Variants in ODC1 observed in about 807,000 individuals in gnomAD.
ODC1 encodes the protein ornithine decarboxylase.
Under a neutral mutation model 41.5 loss-of-function variants are expected in ODC1, and 18 were observed. That is an observed-to-expected ratio of 0.43 (90% CI 0.30 to 0.64). The LOEUF (loss-of-function observed/expected upper bound fraction) is 0.64. Ranked by LOEUF, ODC1 falls within the 30% of genes least tolerant of loss-of-function variation. The pLI is 0.11. For synonymous variants in ODC1, 218 were observed against 211.6 expected (o/e 1.03, Z -0.26); for missense variants, 504 against 589.0 (o/e 0.86, Z 1.49).
In ODC1 at chr2:10,440,422, C is replaced by CA. The variant is rs1259607119; in HGVS notation, c.*301dup. ...GATACTTTATTTTAAAAACAGGTCA[C>CA]AACACTAAGCTTTTGGCCCATTCTG... On this transcript the variant is annotated 3_prime_UTR_variant, in exon 12 of 12. Coordinates refer to ENST00000234111, the MANE Select transcript of ODC1 (RefSeq NM_002539.3). 1 of 244,658 alleles carries CA rather than the reference C, an allele frequency of 4.1e-6. No individual in the cohort carries two copies. The highest frequency in any genetic ancestry group is 2.3e-5 in the African/African-American group (1 of 44,214). The allele number at this position is 244,658 out of a possible 1,614,324, so 15.2% of individuals were successfully genotyped here. A position where few individuals can be genotyped will look rare whatever the true frequency, so the allele number is the denominator to read the frequency against.
chr2:10,447,366 G>A (rs1335828098), intron 1 of ODC1: 1 of 152,204 alleles, frequency 6.6e-6, no homozygotes, highest in African/African-American at 2.4e-5. Flanking sequence ...AACAAAGTCA[G>A]CCAACACATT....
In ODC1 at chr2:10,440,045, C is replaced by A. The variant is rs28362420; in HGVS notation, c.*679G>T. On this transcript the variant is annotated 3_prime_UTR_variant, in exon 12 of 12. Transcript: ENST00000234111. Reference sequence around the variant, plus strand: ...TACCGTATACATTCCTAACTTCTCACAGGCATGAAGGTGGGAGGGGACACG... The same window carrying A: ...TACCGTATACATTCCTAACTTCTCAAAGGCATGAAGGTGGGAGGGGACACG... 3 of 152,330 alleles carry A rather than the reference C, an allele frequency of 2.0e-5. No individual in the cohort carries two copies. Among genetic ancestry groups the A allele is most frequent in the Non-Finnish European group, 2.9e-5 (2 of 68,122 alleles). The allele number at this position is 152,330 out of a possible 1,614,324, so 9.4% of individuals were successfully genotyped here. A position where few individuals can be genotyped will look rare whatever the true frequency, so the allele number is the denominator to read the frequency against.
chr2:10,442,559 T>C (rs1188743095), intron 8 of ODC1, among the ~76,000 whole-genome samples: 1 of 152,214 alleles, frequency 6.6e-6, no homozygotes, highest in Admixed American at 6.5e-5. Context: ...GGATATATTT[T>C]ATAAATTCAA....
chr2:10,444,536 C>T lies in ODC1; in HGVS notation c.214G>A (p.Asp72Asn). The change falls in exon 4 of 12, where the codon GAT becomes AAT. Residue 72 changes from aspartate to asparagine, a missense_variant. By Grantham distance (23) the Asp-to-Asn change is conservative (BLOSUM62 1). Coordinates refer to ENST00000234111, the MANE Select transcript of ODC1 (RefSeq NM_002539.3). ...VTPFYAVKCN[D>N]SKAIVKTLAA... ...AGGGTCTTCACGATGGCTTTGCTAT[C>T]ATTACATTTGACTGCATAAAAGGGG... 6 of 1,614,058 alleles carry T rather than the reference C, an allele frequency of 3.7e-6. No homozygotes were observed. The highest frequency in any genetic ancestry group is 5.1e-6 in the Non-Finnish European group (6 of 1,180,002).
At chr2:10,442,997 C>T (rs1298556535) in intron 8 of ODC1, among the ~76,000 whole-genome samples, 18 of 152,150 alleles carry the variant, frequency 1.2e-4, no homozygotes, top group Non-Finnish European at 2.9e-5. Context: ...CAGGTGTGAG[C>T]CATGATTTCC....
chr2:10,446,638 C>A, intron 1 of ODC1: 1 of 281,596 alleles, frequency 3.6e-6, no homozygotes, highest in Non-Finnish European at 6.9e-6. Context: ...AAATGTGGCA[C>A]CTTGTGAACC....
intron 1 of ODC1, chr2:10,447,613 C>T (rs1672070311): frequency 6.6e-6 from 1 of 152,288 alleles, no homozygotes; most frequent in African/African-American, 2.4e-5. Flanking sequence ...GCAAGACTAT[C>T]TTAGCTCTAC....
chr2:10,445,416 A>G (rs1671978513), intron 1 of ODC1, among the ~76,000 whole-genome samples, 152 bp from the exon 2 acceptor site: 1 of 152,234 alleles, frequency 6.6e-6, no homozygotes, highest in East Asian at 1.9e-4. Flanking sequence ...CATAAGGTAC[A>G]TGATTCCATA....
In ODC1 at chr2:10,441,644, C is replaced by A; in HGVS notation, c.1106G>T (p.Arg369Leu). 6.2e-7 allele frequency: 1 copy of A among 1,614,226 alleles called. No individual in the cohort carries two copies. The highest frequency in any genetic ancestry group is 8.5e-7 in the Non-Finnish European group (1 of 1,180,054). The change falls in exon 11 of 12, where the codon CGC becomes CTC. Residue 369 changes from arginine to leucine, a missense_variant. Coordinates refer to ENST00000234111, the MANE Select transcript of ODC1 (RefSeq NM_002539.3). ...TCDGLDRIVE[R>L]CDLPEMHVGD... ...CACATGCATTTCAGGCAGGTCACAG[C>A]GCTCAACAATCCGATCGAGGCCATC...
At chr2:10,442,247 G>C (rs1290079078) in intron 8 of ODC1, 73 bp from the exon 9 acceptor site, 5 of 1,456,930 alleles carry the variant, frequency 3.4e-6, no homozygotes, top group Non-Finnish European at 3.7e-6. Flanking sequence ...AACATCACAG[G>C]GCCTTGTGAC....
chr2:10,446,117 T>C (rs1467961897), intron 1 of ODC1, among the ~76,000 whole-genome samples: 1 of 151,102 alleles, frequency 6.6e-6, no homozygotes, highest in Non-Finnish European at 1.5e-5. Flanking sequence ...TGCTGTTACC[T>C]GATCAGAATT....
At chr2:10,441,024 A>G (rs1671803187) in intron 11 of ODC1, among the ~76,000 whole-genome samples, 156 bp from the exon 12 acceptor site, 1 of 151,812 alleles carries the variant, frequency 6.6e-6, no homozygotes, top group African/African-American at 2.4e-5. Flanking sequence ...TGGTGCTATC[A>G]TAGCTCACCG....
At position 10,441,537 on chromosome 2, in the gene ODC1, T is replaced by C; in HGVS notation, c.1213A>G (p.Ile405Val). 1 of 1,614,132 alleles carries C rather than the reference T, an allele frequency of 6.2e-7. No homozygotes were observed. Among genetic ancestry groups the C allele is most frequent in the South Asian group, 1.1e-5 (1 of 91,072 alleles). The change falls in exon 11 of 12, where the codon ATC becomes GTC. Residue 405 changes from isoleucine (I) to valine (V), a missense_variant. Ile to Val is a conservative substitution (Grantham distance 29). This residue lies in a region of ODC1 where 447 missense variants were observed against 524.4 expected (regional missense o/e 0.85). Transcript: ENST00000234111. The stretch of plus-strand genomic sequence containing the variant: ...GCAGGCCCTGACATCACATAGTAGA[T>C]CGTCGGCCTCTGGAAGCCATTGAAC... ...STFNGFQRPT[I>V]YYVMSGPAWQ...
chr2:10,447,975 C>T (rs1040246371), intron 1 of ODC1, 146 bp downstream of exon 1: 1 of 152,536 alleles, frequency 6.6e-6, no homozygotes, highest in Non-Finnish European at 1.5e-5. Context: ...GGAAGCGGCG[C>T]CTCAAGGTCG....
At chr2:10,444,041 G>A in intron 5 of ODC1, 54 bp downstream of exon 5, 8 of 1,516,922 alleles carry the variant, frequency 5.3e-6, no homozygotes, top group Non-Finnish European at 7.1e-6. Flanking sequence ...TGTTTGATAA[G>A]AATCCACATA....
intron 5 of ODC1, 74 bp from the exon 6 acceptor site, chr2:10,443,910 T>C: frequency 1.9e-6 from 3 of 1,585,934 alleles, no homozygotes; most frequent in Non-Finnish European, 2.6e-6. Flanking sequence ...ATAAAAACAA[T>C]CCTGTTCTAA....
intron 8 of ODC1, 42 bp from the exon 9 acceptor site, chr2:10,442,216 G>A (rs1476025050): frequency 1.3e-6 from 2 of 1,556,686 alleles, no homozygotes; most frequent in Admixed American, 2.0e-5. Context: ...CCTTCATTGT[G>A]GGAAATTCAC....
At chr2:10,444,727 T>C in intron 3 of ODC1, 80 bp from the exon 4 acceptor site, 1 of 1,255,424 alleles carries the variant, frequency 8.0e-7, no homozygotes. Context: ...TTCATTCCCA[T>C]CAGTCACAAT....
At position 10,442,181 on chromosome 2, in the gene ODC1, G is replaced by C; in HGVS notation, c.751-7C>G. The C allele has an allele frequency of 6.3e-7, 1 of 1,586,826 alleles. No individual in the cohort carries two copies. Among genetic ancestry groups the C allele is most frequent in the Non-Finnish European group, 8.6e-7 (1 of 1,167,770 alleles). On this transcript the variant is annotated splice_polypyrimidine_tract_variant and splice_region_variant and intron_variant, in intron 8 of 11. Transcript: ENST00000234111. The stretch of plus-strand genomic sequence containing the variant: ...GGTTGATTACGCCGGTGATCTAAGA[G>C]AGTGAAACAGAAAAGAAAGAGCAGC...
Sources: allele counts gnomAD v4.1 joint callset (sites outside exome capture counted in the v4.1 genomes callset), GRCh38; gene constraint gnomAD v4.1.1; regional missense constraint gnomAD v4.1.1; transcripts MANE v1.5; gene names NCBI Gene and HGNC (gene_info 2026-07-23, HGNC 2026-07-21).